Variants in MYBPC1 observed in about 807,000 individuals in gnomAD.
The protein encoded by MYBPC1 is myosin binding protein C1, also known as myosin-binding protein C, slow-type.
Under a neutral mutation model 147.1 loss-of-function variants are expected in MYBPC1, and 52 were observed. That is an observed-to-expected ratio of 0.35 (90% CI 0.28 to 0.45). The LOEUF (loss-of-function observed/expected upper bound fraction) is 0.45, where lower values mean the gene tolerates loss of function less well. Among genes scored for constraint, MYBPC1 ranks in the 20% least tolerant of loss-of-function variants. MYBPC1 has a pLI of 1.00. For missense variants in MYBPC1, 1,228 were observed against 1,440.3 expected (o/e 0.85, Z 2.39); for synonymous variants, 477 against 475.9 (o/e 1.00, Z -0.03).
intron 12 of MYBPC1, 37 bp from the exon 13 acceptor site, chr12:101,646,726 T>A (rs577136313): frequency 2.5e-6 from 4 of 1,609,090 alleles, no homozygotes; most frequent in African/African-American, 2.7e-5. Flanking sequence ...AAAATCACAT[T>A]CACAGACTCT....
At position 101,627,791 on chromosome 12, in the gene MYBPC1, G is replaced by A. The variant is rs1211852356; in HGVS notation, c.165G>A (p.Glu55=). Residue 55 remains glutamate (E), a synonymous_variant, in exon 5 of 32, where the codon GAG becomes GAA. Transcript: ENST00000361466. ...CAGGTTTGGGTAGTCGGGCCCTGGAGAGAAAAGATTCAGGTGAGCGCAAGC... is the reference window on the plus strand; with the variant it reads ...CAGGTTTGGGTAGTCGGGCCCTGGAAAGAAAAGATTCAGGTGAGCGCAAGC... The part of the protein sequence containing the change: ...LPPGLGSRAL[E]RKDSDWTLVE... 1.2e-6 allele frequency: 2 copies of A among 1,613,942 alleles called. No homozygotes were observed. Among genetic ancestry groups the A allele is most frequent in the East Asian group, 4.5e-5 (2 of 44,858 alleles).
At chr12:101,671,316 C>CAT (rs1898628641) in intron 24 of MYBPC1, among the ~76,000 whole-genome samples, 1 of 68,504 alleles carries the variant, frequency 1.5e-5, no homozygotes. Flanking sequence ...CATATACACA[C>CAT]ACACACACAC....
chr12:101,615,982 C>T (rs1262705324), intron 2 of MYBPC1, among the ~76,000 whole-genome samples: 1 of 151,940 alleles, frequency 6.6e-6, no homozygotes, highest in Non-Finnish European at 1.5e-5. Flanking sequence ...CTCACCGCAG[C>T]CTCAAACTCT....
chr12:101,670,516 A>G, intron 24 of MYBPC1, 107 bp downstream of exon 24: 1 of 943,232 alleles, frequency 1.1e-6, no homozygotes, highest in South Asian at 1.3e-5. Context: ...GGATTTCCTC[A>G]GAGGGAGAGG....
Position 101,667,805 on chromosome 12 carries a change from T to C in MYBPC1, c.2430T>C (p.Asp810=), listed in dbSNP as rs144266484. The C allele has an allele frequency of 9.3e-6, 15 of 1,614,210 alleles. No individual in the cohort carries two copies. In the Admixed American group the frequency reaches 2.0e-4, roughly 22 times the overall value. The change falls in exon 23 of 32, where the codon GAT becomes GAC. Residue 810 remains aspartate, a synonymous_variant. Coordinates refer to ENST00000361466, the MANE Select transcript of MYBPC1 (RefSeq NM_002465.4). The part of the protein sequence containing the change: ...TKFTITGLPT[D]AKIFVRVKAV... ...TCACCATCACAGGTCTGCCAACAGA[T>C]GCAAAGATCTTTGTGCGTGTGAAGG... is the stretch of plus-strand genomic sequence containing the variant.
intron 1 of MYBPC1, among the ~76,000 whole-genome samples, chr12:101,598,317 G>T (rs1422114754): frequency 3.9e-5 from 6 of 152,122 alleles, no homozygotes; most frequent in Non-Finnish European, 8.8e-5. Context: ...ACTGTGCCCG[G>T]CCAAGAAATC....
At chr12:101,625,164 A>G (rs1386893840) in intron 3 of MYBPC1, among the ~76,000 whole-genome samples, 1 of 150,492 alleles carries the variant, frequency 6.6e-6, no homozygotes, top group East Asian at 2.0e-4. Context: ...TCTTAACCAC[A>G]CTGTAACTTA....
At chr12:101,663,706 TA>T in intron 22 of MYBPC1, 146 bp downstream of exon 22, 1 of 963,224 alleles carries the variant, frequency 1.0e-6, no homozygotes, top group South Asian at 1.5e-5. Context: ...GAGATGTATA[TA>T]AACTAAGCCC....
At chr12:101,670,572 T>C (rs1198258782) in intron 24 of MYBPC1, among the ~76,000 whole-genome samples, 163 bp downstream of exon 24, 1 of 152,236 alleles carries the variant, frequency 6.6e-6, no homozygotes, top group Non-Finnish European at 1.5e-5. Flanking sequence ...TTAAGCAATC[T>C]CCTGCTGTCA....
intron 18 of MYBPC1, among the ~76,000 whole-genome samples, chr12:101,655,226 T>G (rs1895331273): frequency 6.6e-6 from 1 of 151,726 alleles, no homozygotes; most frequent in Non-Finnish European, 1.5e-5. Context: ...TTAAGAGAAA[T>G]TTAATAAAAT....
intron 20 of MYBPC1, among the ~76,000 whole-genome samples, chr12:101,661,909 A>AG (rs1896633754): frequency 6.3e-5 from 3 of 47,716 alleles, no homozygotes; most frequent in Non-Finnish European, 1.0e-4. Flanking sequence ...AAAAAAAAAA[A>AG]AAAAAAGAAA....
chr12:101,646,581 A>G (rs1019152429), intron 12 of MYBPC1, 182 bp from the exon 13 acceptor site: 1 of 655,034 alleles, frequency 1.5e-6, no homozygotes, highest in African/African-American at 1.8e-5. Flanking sequence ...CGAGGCTCCA[A>G]TTAGCTATGT....
chr12:101,647,476 G>C (rs1279105778), intron 13 of MYBPC1, among the ~76,000 whole-genome samples: 1 of 152,122 alleles, frequency 6.6e-6, no homozygotes, highest in African/African-American at 2.4e-5. Context: ...TGTTTTGTTT[G>C]TTCTTGAGAA....
intron 20 of MYBPC1, among the ~76,000 whole-genome samples, chr12:101,661,648 G>A (rs1593969979): frequency 6.6e-6 from 1 of 152,146 alleles, no homozygotes; most frequent in Middle Eastern, 3.4e-3. Context: ...CAGCACTTTG[G>A]GAGGCCTAGG....
At chr12:101,617,527 TA>T (rs1386742292) in intron 3 of MYBPC1, among the ~76,000 whole-genome samples, 1 of 152,234 alleles carries the variant, frequency 6.6e-6, no homozygotes, top group African/African-American at 2.4e-5. Flanking sequence ...ACATGCATGC[TA>T]AGAAAGAGAG....
rs1389600754 is a variant in MYBPC1 at position 101,642,662 on chromosome 12, G to A, written c.832+77G>A. ...AAGCCTTGACCGTGAACCCCATCCCGAGCTCCTTCCAGTCTCCCGCGGGGT... is the reference window on the plus strand; with the variant it reads ...AAGCCTTGACCGTGAACCCCATCCCAAGCTCCTTCCAGTCTCCCGCGGGGT... On this transcript the variant is annotated intron_variant, in intron 11 of 31. Coordinates refer to ENST00000361466, the MANE Select transcript of MYBPC1 (RefSeq NM_002465.4). 10 of 1,496,396 alleles carry A rather than the reference G, an allele frequency of 6.7e-6. No homozygotes were observed. In the African/African-American group the frequency reaches 1.1e-4, roughly 16 times the overall value. The allele number at this position is 1,496,396 out of a possible 1,614,324, so 92.7% of individuals were successfully genotyped here. A position where few individuals can be genotyped will look rare whatever the true frequency, so the allele number is the denominator to read the frequency against.
downstream of MYBPC1, among the ~76,000 whole-genome samples, chr12:101,687,779 A>C (rs1951373830): frequency 6.6e-6 from 1 of 152,222 alleles, no homozygotes; most frequent in Non-Finnish European, 1.5e-5. Flanking sequence ...ACATTGGCCA[A>C]GCTAGTTAGG....
chr12:101,609,780 A>G (rs1017724241), intron 1 of MYBPC1, among the ~76,000 whole-genome samples: 1 of 152,224 alleles, frequency 6.6e-6, no homozygotes, highest in Non-Finnish European at 1.5e-5. Flanking sequence ...TTTCTTAAAC[A>G]CAAGTATCTT....
At chr12:101,667,328 G>C (rs542075733) in intron 22 of MYBPC1, among the ~76,000 whole-genome samples, 2 of 152,250 alleles carry the variant, frequency 1.3e-5, no homozygotes, top group South Asian at 4.1e-4. Flanking sequence ...CATTCATAAA[G>C]ATAGCCTTTT....
Sources: gnomAD v4.1 joint callset for allele counts (sites outside exome capture counted in the v4.1 genomes callset) on GRCh38, gnomAD v4.1.1 for gene constraint, MANE v1.5 for transcripts, NCBI Gene and HGNC (gene_info 2026-07-23, HGNC 2026-07-21) for gene names.